The following HIVEP3 variants were observed in gnomAD, a reference collection of about 807,000 sequenced individuals.
The protein encoded by HIVEP3 is transcription factor HIVEP3.
In HIVEP3, 49 loss-of-function variants were observed where a neutral mutation model predicts 152.8. The observed-to-expected ratio is 0.32, with a 90% CI of 0.26 to 0.41. The LOEUF (loss-of-function observed/expected upper bound fraction) is 0.41. HIVEP3 is among the 10% of genes least tolerant of loss of function. The pLI, the probability that HIVEP3 is intolerant of heterozygous loss-of-function variation, is 1.00. For synonymous variants in HIVEP3, 1,269 were observed against 1,289.0 expected (o/e 0.98, Z 0.33); for missense variants, 2,790 against 3,103.3 (o/e 0.90, Z 2.40).
chr1:41,595,177 T>C (rs1366905849), intron 3 of HIVEP3, among the ~76,000 whole-genome samples: 2 of 152,236 alleles, frequency 1.3e-5, no homozygotes, highest in Non-Finnish European at 2.9e-5. Context: ...ATGAAATTCC[T>C]CCAACTGCCT....
intron 1 of HIVEP3, among the ~76,000 whole-genome samples, chr1:41,737,038 C>T (rs1010167828): frequency 6.6e-6 from 1 of 152,156 alleles, no homozygotes; most frequent in Non-Finnish European, 1.5e-5. Context: ...AAATAATGTT[C>T]GAGGTCTTCT....
chr1:41,944,429 G>A (rs11578953), intron 1 of HIVEP3, among the ~76,000 whole-genome samples: 68,329 of 151,882 alleles, frequency 0.45, 16,501 homozygotes, highest in East Asian at 0.72. Flanking sequence ...GGGAAGAGAC[G>A]GCTTTTTGCT....
intron 3 of HIVEP3, among the ~76,000 whole-genome samples, chr1:41,592,963 C>CT (rs1211966562): frequency 6.6e-6 from 1 of 152,206 alleles, no homozygotes; most frequent in Non-Finnish European, 1.5e-5. Context: ...CTCTCTTGGG[C>CT]TGTCACCACC....
At chr1:41,777,029 G>A (rs186817207) in intron 1 of HIVEP3, among the ~76,000 whole-genome samples, 45 of 152,302 alleles carry the variant, frequency 3.0e-4, no homozygotes, top group Non-Finnish European at 4.4e-4. Flanking sequence ...TGGACTCCTG[G>A]TTCAGGTTCT....
At chr1:41,915,279 A>C (rs1644854032) in intron 1 of HIVEP3, among the ~76,000 whole-genome samples, 1 of 152,258 alleles carries the variant, frequency 6.6e-6, no homozygotes, top group African/African-American at 2.4e-5. Context: ...CCAAAGATCC[A>C]TCAAAATACA....
intron 1 of HIVEP3, among the ~76,000 whole-genome samples, chr1:41,999,485 T>C (rs979397950): frequency 6.6e-6 from 1 of 152,158 alleles, no homozygotes; most frequent in African/African-American, 2.4e-5. Flanking sequence ...GCAGCTCACA[T>C]CAATGGGCAT....
At chr1:41,513,968 A>G (rs1642530140) in intron 7 of HIVEP3, among the ~76,000 whole-genome samples, 1 of 152,220 alleles carries the variant, frequency 6.6e-6, no homozygotes, top group Admixed American at 6.5e-5. Context: ...AGAATGTGCA[A>G]TGTTCAGTTC....
intron 1 of HIVEP3, among the ~76,000 whole-genome samples, chr1:42,006,350 C>T (rs959783649): frequency 3.3e-5 from 5 of 152,072 alleles, no homozygotes; most frequent in Admixed American, 6.6e-5. Context: ...ACCAGAGCAG[C>T]GGTTCTGAAA....
chr1:41,946,925 C>T (rs1645078404), intron 1 of HIVEP3, among the ~76,000 whole-genome samples: 1 of 152,134 alleles, frequency 6.6e-6, no homozygotes, highest in Non-Finnish European at 1.5e-5. Flanking sequence ...GAGGCTAGTA[C>T]AAGATCTCAG....
chr1:41,569,975 T>C (rs548637931), intron 5 of HIVEP3, among the ~76,000 whole-genome samples: 2 of 152,358 alleles, frequency 1.3e-5, no homozygotes, highest in East Asian at 1.9e-4. Context: ...CAGTATGCGC[T>C]GTGCTGTGGA....
Position 41,575,464 on chromosome 1 carries a change from C to A in HIVEP3, c.5207+80G>T. On this transcript the variant is annotated intron_variant, in intron 5 of 8. Coordinates refer to ENST00000372583, the MANE Select transcript of HIVEP3 (RefSeq NM_024503.5). ...GTGGGCAGAGCCCTTGCCAACTGAGCCACTGCTGCCCGTGAACACCAATGG... is the reference window on the plus strand; with the variant it reads ...GTGGGCAGAGCCCTTGCCAACTGAGACACTGCTGCCCGTGAACACCAATGG... The A allele has an allele frequency of 3.4e-6, 5 of 1,488,210 alleles. No homozygotes were observed. In the South Asian group the frequency reaches 6.2e-5, roughly 18 times the overall value. The allele number at this position is 1,488,210 out of a possible 1,614,324, so 92.2% of individuals were successfully genotyped here. A position where few individuals can be genotyped will look rare whatever the true frequency, so the allele number is the denominator to read the frequency against.
intron 1 of HIVEP3, among the ~76,000 whole-genome samples, chr1:41,778,188 G>A (rs1214665568): frequency 1.3e-5 from 2 of 152,176 alleles, no homozygotes; most frequent in African/African-American, 4.8e-5. Flanking sequence ...AAGCAGAGGG[G>A]GTGCTTGTCA....
intron 1 of HIVEP3, among the ~76,000 whole-genome samples, chr1:41,762,288 C>T (rs192020385): frequency 8.9e-4 from 135 of 152,348 alleles, no homozygotes; most frequent in African/African-American, 3.0e-3. Flanking sequence ...CACCCTTCAA[C>T]TGTCAGTGTA....
intron 1 of HIVEP3, among the ~76,000 whole-genome samples, chr1:41,761,113 C>T (rs553716196): frequency 6.6e-6 from 1 of 152,240 alleles, no homozygotes; most frequent in Non-Finnish European, 1.5e-5. Context: ...TTGGAAGGAA[C>T]ATTGCTGGTG....
chr1:41,619,048 G>A (rs1294151907), intron 3 of HIVEP3, among the ~76,000 whole-genome samples: 2 of 146,910 alleles, frequency 1.4e-5, no homozygotes, highest in East Asian at 2.0e-4. Context: ...AGCCTCCTTC[G>A]GCAGGACAGC....
At chr1:41,642,150 C>T (rs939518846) in intron 2 of HIVEP3, among the ~76,000 whole-genome samples, 3 of 152,244 alleles carry the variant, frequency 2.0e-5, no homozygotes, top group Non-Finnish European at 2.9e-5. Flanking sequence ...ACAGCAACAG[C>T]GTCTGCACTG....
At chr1:41,871,660 T>C (rs1467718894) in intron 1 of HIVEP3, among the ~76,000 whole-genome samples, 1 of 152,238 alleles carries the variant, frequency 6.6e-6, no homozygotes, top group Admixed American at 6.5e-5. Context: ...AATAACCAGA[T>C]AGCAGGATAA....
chr1:41,563,582 G>A (rs773019610), intron 5 of HIVEP3, among the ~76,000 whole-genome samples: 1 of 151,996 alleles, frequency 6.6e-6, no homozygotes, highest in Non-Finnish European at 1.5e-5. Flanking sequence ...AAACAGCCCC[G>A]GCAGTCAGCT....
chr1:41,524,956 G>C, intron 5 of HIVEP3, 46 bp from the exon 6 acceptor site: 1 of 1,568,682 alleles, frequency 6.4e-7, no homozygotes, highest in Non-Finnish European at 8.7e-7. Context: ...AAGGAGAAGA[G>C]GCAGGTTCCC....
Sources: gnomAD v4.1 joint callset for allele counts (sites outside exome capture counted in the v4.1 genomes callset) on GRCh38, gnomAD v4.1.1 for gene constraint, MANE v1.5 for transcripts, NCBI Gene and HGNC (gene_info 2026-07-23, HGNC 2026-07-21) for gene names.